GABRB1: variants seen among roughly 807,000 people sequenced by gnomAD.
GABRB1 encodes the protein gamma-aminobutyric acid type A receptor subunit beta1, also known as gamma-aminobutyric acid receptor subunit beta-1.
A neutral mutation model predicts 51.6 loss-of-function variants in GABRB1; 17 were observed. The ratio of observed to expected loss-of-function variants is 0.33; its 90% CI spans 0.23 to 0.49. The LOEUF (loss-of-function observed/expected upper bound fraction) is 0.49, where lower values mean the gene tolerates loss of function less well. GABRB1 is among the 20% of genes least tolerant of loss of function. The pLI is 0.99. For synonymous variants in GABRB1, 247 were observed against 218.9 expected (o/e 1.13, Z -1.14); for missense variants, 410 against 600.6 (o/e 0.68, Z 3.32).
At chr4:47,231,908 CA>C (rs1721156609) in intron 4 of GABRB1, among the ~76,000 whole-genome samples, 2 of 152,172 alleles carry the variant, frequency 1.3e-5, no homozygotes, top group African/African-American at 4.8e-5. Context: ...TGATCATTAT[CA>C]TTAGCTTGTT....
intron 3 of GABRB1, among the ~76,000 whole-genome samples, chr4:47,131,356 G>A (rs1488019639): frequency 1.3e-5 from 2 of 152,026 alleles, no homozygotes; most frequent in East Asian, 1.9e-4. Context: ...ATGGGGTTTC[G>A]CCATGTTGGC....
chr4:47,305,450 A>G (rs1377589212), intron 4 of GABRB1, among the ~76,000 whole-genome samples: 1 of 152,112 alleles, frequency 6.6e-6, no homozygotes, highest in African/African-American at 2.4e-5. Context: ...TAGAAAAGTA[A>G]TGATTTCAGT....
At chr4:47,355,906 A>G (rs1370309534) in intron 5 of GABRB1, among the ~76,000 whole-genome samples, 2 of 152,220 alleles carry the variant, frequency 1.3e-5, no homozygotes, top group African/African-American at 4.8e-5. Context: ...TCTTAAGCCA[A>G]TTATTTAACC....
intron 4 of GABRB1, among the ~76,000 whole-genome samples, chr4:47,273,635 G>T (rs919484759): frequency 6.6e-6 from 1 of 151,858 alleles, no homozygotes; most frequent in African/African-American, 2.4e-5. Context: ...CTAGGCTGTG[G>T]GATTAAATAA....
chr4:47,069,978 T>A (rs1727251028), intron 3 of GABRB1, among the ~76,000 whole-genome samples: 1 of 151,970 alleles, frequency 6.6e-6, no homozygotes, highest in Non-Finnish European at 1.5e-5. Flanking sequence ...TTCTCAGTCA[T>A]CTTATTCAGT....
Position 47,350,214 on chromosome 4 carries a change from T to TAGAGAG in GABRB1, c.544+30006_544+30007insGAGAGA, listed in dbSNP as rs1477528549. 8.8e-3 allele frequency among the ~76,000 whole-genome samples: 702 copies of TAGAGAG among 79,482 alleles called. 3 individuals carry two copies. The highest frequency in any genetic ancestry group is 0.037 in the East Asian group (74 of 1,974). The allele number at this position is 79,482 out of a possible 152,430, so 52.1% of individuals were successfully genotyped here. A position where few individuals can be genotyped will look rare whatever the true frequency, so the allele number is the denominator to read the frequency against. On this transcript the variant is annotated intron_variant, in intron 5 of 8. Coordinates refer to ENST00000295454, the MANE Select transcript of GABRB1 (RefSeq NM_000812.4). ...ATATATATATATATATATATATATA[T>TAGAGAG]ATATAGAGAGAGAGAGAGAGAGAGA...
chr4:47,378,038 G>A (rs552639787), intron 5 of GABRB1, among the ~76,000 whole-genome samples: 222 of 152,352 alleles, frequency 1.5e-3, no homozygotes, highest in African/African-American at 5.0e-3. Context: ...GGCACCGTGC[G>A]CCCACGCTCC....
intron 3 of GABRB1, among the ~76,000 whole-genome samples, chr4:47,148,582 G>T (rs1717281973): frequency 6.6e-6 from 1 of 151,942 alleles, no homozygotes; most frequent in Non-Finnish European, 1.5e-5. Context: ...AAAATACTTT[G>T]GCAGACTTTT....
intron 5 of GABRB1, among the ~76,000 whole-genome samples, chr4:47,326,825 C>T (rs10008913): frequency 0.99 from 151,211 of 152,318 alleles, 75,060 homozygotes; most frequent in East Asian, 1. Flanking sequence ...ACCCAGTTTA[C>T]GGCATTTTGT....
intron 3 of GABRB1, among the ~76,000 whole-genome samples, chr4:47,151,683 T>C (rs1717464092): frequency 6.6e-6 from 1 of 152,048 alleles, no homozygotes; most frequent in Non-Finnish European, 1.5e-5. Context: ...GAAACACTAA[T>C]ATCCTATGAA....
chr4:47,190,272 T>TTAC lies in GABRB1; in HGVS notation c.461+28805_461+28807dup, dbSNP rs1446748224. Among the ~76,000 whole-genome samples the TTAC allele has an allele frequency of 1.1e-4, 16 of 152,196 alleles. 1 individual carries two copies. Among genetic ancestry groups the TTAC allele is most frequent in the Admixed American group, 7.2e-4 (11 of 15,264 alleles). On this transcript the variant is annotated intron_variant, in intron 4 of 8. Transcript: ENST00000295454. ...GTCATAAGATGTGTATCCCAGCAGGTTACTCAACAGTGGAGATAATAAGTA... is the reference window on the plus strand; with the variant it reads ...GTCATAAGATGTGTATCCCAGCAGGTTACTACTCAACAGTGGAGATAATAAGTA...
At chr4:47,082,162 G>C (rs571439673) in intron 3 of GABRB1, among the ~76,000 whole-genome samples, 29 of 151,916 alleles carry the variant, frequency 1.9e-4, no homozygotes, top group African/African-American at 6.8e-4. Context: ...AGAGTTGAGG[G>C]TCCCCTGAGC....
At chr4:47,213,633 CTTTCTTT>C (rs1720449187) in intron 4 of GABRB1, among the ~76,000 whole-genome samples, 1 of 151,888 alleles carries the variant, frequency 6.6e-6, no homozygotes, top group African/African-American at 2.4e-5. Context: ...GGGGGGTTTT[CTTTCTTT>C]TTTCTTTTGC....
At chr4:47,389,285 A>T (rs534439683) in intron 5 of GABRB1, among the ~76,000 whole-genome samples, 1 of 152,242 alleles carries the variant, frequency 6.6e-6, no homozygotes, top group East Asian at 1.9e-4. Flanking sequence ...CAATAACAAA[A>T]CTGTCTTCCC....
In GABRB1 at chr4:47,031,924, C is replaced by A. The variant is rs772220562; in HGVS notation, c.91C>A (p.Pro31Thr). Residue 31 changes from proline (P) to threonine (T), a missense_variant, in exon 2 of 9, where the codon CCC (proline) becomes ACC (threonine). Pro to Thr is a conservative substitution (Grantham distance 38). Coordinates refer to ENST00000295454, the MANE Select transcript of GABRB1 (RefSeq NM_000812.4). ...MVCCAHSTNE[P>T]SNMSYVKETV... ...ACTTCTTCCCCTTAGCACCAATGAA[C>A]CCAGCAACATGTCATACGTGAAAGA... The A allele has an allele frequency of 1.2e-5, 19 of 1,613,712 alleles. 1 individual carries two copies. In the South Asian group the frequency reaches 2.1e-4, roughly 18 times the overall value.
At chr4:47,037,758 C>T (rs867968133) in intron 3 of GABRB1, among the ~76,000 whole-genome samples, 39 of 152,008 alleles carry the variant, frequency 2.6e-4, no homozygotes, top group Non-Finnish European at 3.7e-4. Context: ...ACATTAATAG[C>T]GATTTAATCC....
At chr4:47,292,094 C>T (rs1214625707) in intron 4 of GABRB1, among the ~76,000 whole-genome samples, 1 of 152,104 alleles carries the variant, frequency 6.6e-6, no homozygotes, top group East Asian at 1.9e-4. Flanking sequence ...ATGGGTGGGA[C>T]CCAGTGGGAG....
intron 5 of GABRB1, among the ~76,000 whole-genome samples, chr4:47,346,340 T>C (rs1387511845): frequency 6.6e-6 from 1 of 152,170 alleles, no homozygotes; most frequent in East Asian, 1.9e-4. Flanking sequence ...AAAAAGTCGA[T>C]TTGTCAGCAT....
intron 5 of GABRB1, among the ~76,000 whole-genome samples, chr4:47,375,064 T>C (rs1406752947): frequency 6.6e-6 from 1 of 152,248 alleles, no homozygotes; most frequent in East Asian, 1.9e-4. Context: ...ACCTCCACAA[T>C]GGTGTGCATT....
Sources: allele counts gnomAD v4.1 joint callset (sites outside exome capture counted in the v4.1 genomes callset), GRCh38; gene constraint gnomAD v4.1.1; transcripts MANE v1.5; gene names NCBI Gene and HGNC (gene_info 2026-07-23, HGNC 2026-07-21).